KIF6: variants seen among roughly 807,000 people sequenced by gnomAD.
The protein encoded by KIF6 is kinesin-like protein KIF6.
Under a neutral mutation model 112.7 loss-of-function variants are expected in KIF6, and 106 were observed. That is an observed-to-expected ratio of 0.94 (90% CI 0.80 to 1.11). KIF6 has a LOEUF of 1.11. Among genes scored for constraint, KIF6 ranks in the 50% least tolerant of loss-of-function variants. The pLI, the probability that KIF6 is intolerant of heterozygous loss-of-function variation, is 0.00. For synonymous variants in KIF6, 339 were observed against 339.9 expected (o/e 1.00, Z 0.03); for missense variants, 929 against 964.0 (o/e 0.96, Z 0.48).
chr6:39,421,552 C>T (rs2150366620), intron 14 of KIF6, among the ~76,000 whole-genome samples: 1 of 152,240 alleles, frequency 6.6e-6, no homozygotes, highest in Admixed American at 6.5e-5. Context: ...AAGCAAAGGC[C>T]AGAGTGCCAC....
chr6:39,342,557 T>TG lies in KIF6; in HGVS notation c.2428+1151dup, dbSNP rs1329579593. The stretch of plus-strand genomic sequence containing the variant: ...GCCTGATACCTATCATCAGAGTATT[T>TG]GGGGCATAGATGGGGACTTGGAGAT... On this transcript the variant is annotated intron_variant, in intron 22 of 22. Coordinates refer to ENST00000287152, the MANE Select transcript of KIF6 (RefSeq NM_145027.6). The surrounding 1 kb of genome is among the most constrained non-coding windows in gnomAD (Gnocchi z 4.7). 1.3e-5 allele frequency among the ~76,000 whole-genome samples: 2 copies of TG among 151,226 alleles called. No individual in the cohort carries two copies. Among genetic ancestry groups the TG allele is most frequent in the Non-Finnish European group, 2.9e-5 (2 of 67,994 alleles).
intron 5 of KIF6, among the ~76,000 whole-genome samples, chr6:39,616,112 T>C (rs996497683): frequency 1.3e-5 from 2 of 152,228 alleles, no homozygotes; most frequent in Non-Finnish European, 2.9e-5. Context: ...GAAAACCTTA[T>C]ATGGGTCACT....
At chr6:39,650,491 G>C (rs571979918) in intron 3 of KIF6, among the ~76,000 whole-genome samples, 2 of 151,588 alleles carry the variant, frequency 1.3e-5, no homozygotes, top group African/African-American at 4.8e-5. Context: ...ATTATAAAAA[G>C]TATATATTTA....
chr6:39,649,382 C>T (rs1476471613), intron 3 of KIF6, among the ~76,000 whole-genome samples: 3 of 152,114 alleles, frequency 2.0e-5, no homozygotes, highest in Non-Finnish European at 4.4e-5. Context: ...GAAATAGTTA[C>T]CCCACACAAC....
chr6:39,494,571 A>G (rs1775663735), intron 13 of KIF6, among the ~76,000 whole-genome samples: 1 of 152,232 alleles, frequency 6.6e-6, no homozygotes, highest in African/African-American at 2.4e-5. Flanking sequence ...TAACAAATCA[A>G]TGCCTCTAGA....
Position 39,583,488 on chromosome 6 carries a change from A to G in KIF6, c.1077+1410T>C, listed in dbSNP as rs1333036018. The G allele has an allele frequency of 1.9e-5, 9 of 471,408 alleles. 1 individual carries two copies. Among genetic ancestry groups the G allele is most frequent in the South Asian group, 1.2e-4 (8 of 64,564 alleles). The allele number at this position is 471,408 out of a possible 1,614,324, so 29.2% of individuals were successfully genotyped here. A position where few individuals can be genotyped will look rare whatever the true frequency, so the allele number is the denominator to read the frequency against. The stretch of plus-strand genomic sequence containing the variant: ...GAGGAGCTTGGTGCTTTCTGAGGCA[A>G]GAAGAACATAACAGACAGCCCCATT... On this transcript the variant is annotated intron_variant, in intron 9 of 22. Transcript: ENST00000287152.
chr6:39,464,638 C>T (rs1773682243), intron 13 of KIF6, among the ~76,000 whole-genome samples: 1 of 152,186 alleles, frequency 6.6e-6, no homozygotes, highest in South Asian at 2.1e-4. Flanking sequence ...CAGCTCATCT[C>T]CACAGCCTGG....
intron 13 of KIF6, among the ~76,000 whole-genome samples, chr6:39,441,931 G>A (rs1210519194): frequency 2.0e-5 from 3 of 152,134 alleles, no homozygotes; most frequent in Admixed American, 6.5e-5. Flanking sequence ...GGACCAGGCT[G>A]AAGCATGGTA....
intron 10 of KIF6, among the ~76,000 whole-genome samples, chr6:39,576,814 T>A (rs578223359): frequency 9.8e-5 from 15 of 152,364 alleles, no homozygotes; most frequent in Non-Finnish European, 2.9e-5. Context: ...CAAAACTGTC[T>A]CCTGGCAGTC....
chr6:39,350,920 C>G (rs1470346734), intron 19 of KIF6, among the ~76,000 whole-genome samples: 1 of 152,206 alleles, frequency 6.6e-6, no homozygotes, highest in Non-Finnish European at 1.5e-5. Context: ...GGTGTTTTAA[C>G]AAACACTGTT....
At chr6:39,387,249 G>C (rs1009439968) in intron 15 of KIF6, among the ~76,000 whole-genome samples, 1 of 152,178 alleles carries the variant, frequency 6.6e-6, no homozygotes, top group Non-Finnish European at 1.5e-5. Context: ...TGCCTGGCCT[G>C]TTTTCTGGAT....
At chr6:39,694,922 T>C (rs1240310716) in intron 3 of KIF6, among the ~76,000 whole-genome samples, 1 of 152,020 alleles carries the variant, frequency 6.6e-6, no homozygotes, top group African/African-American at 2.4e-5. Context: ...CAAATTATAC[T>C]ACAAGGCTAC....
intron 9 of KIF6, among the ~76,000 whole-genome samples, chr6:39,583,822 G>GT (rs1781445992): frequency 6.6e-6 from 1 of 151,186 alleles, no homozygotes; most frequent in Non-Finnish European, 1.5e-5. Flanking sequence ...AATTGAGATA[G>GT]TTTAACATTT....
intron 3 of KIF6, among the ~76,000 whole-genome samples, chr6:39,659,457 A>T (rs1451843316): frequency 6.6e-6 from 1 of 152,180 alleles, no homozygotes; most frequent in Non-Finnish European, 1.5e-5. Context: ...TTCTCACCTT[A>T]TTAATGAATG....
At chr6:39,555,708 T>A (rs1197105026) in intron 10 of KIF6, among the ~76,000 whole-genome samples, 1 of 152,012 alleles carries the variant, frequency 6.6e-6, no homozygotes, top group Admixed American at 6.6e-5. Context: ...ATCCCAGCAC[T>A]TTGGGAGGCT....
rs1771740931 is a variant in KIF6 at position 39,438,970 on chromosome 6, A to G, written c.1646-7809T>C. Among the ~76,000 whole-genome samples, 3 of 152,280 alleles carry G rather than the reference A, an allele frequency of 2.0e-5. No homozygotes were observed. The South Asian group carries it at 6.2e-4, about 32-fold the overall frequency. ...AATTGCCTACAGTATTCAGTACAGT[A>G]ACATGCTGTACAGGTTTGTAGCTGA... On this transcript the variant is annotated intron_variant, in intron 13 of 22. Transcript: ENST00000287152.
chr6:39,698,794 A>G (rs1417259554), intron 3 of KIF6, among the ~76,000 whole-genome samples: 2 of 152,246 alleles, frequency 1.3e-5, no homozygotes, highest in East Asian at 3.8e-4. Context: ...TTATGGCTCT[A>G]AATATGCTAC....
At chr6:39,539,327 A>C (rs1196498584) in intron 13 of KIF6, among the ~76,000 whole-genome samples, 1 of 151,820 alleles carries the variant, frequency 6.6e-6, no homozygotes, top group Non-Finnish European at 1.5e-5. Context: ...ATTTATTGTC[A>C]TTTAAGTCTG....
chr6:39,518,237 T>C (rs1218941438), intron 13 of KIF6, among the ~76,000 whole-genome samples: 3 of 152,136 alleles, frequency 2.0e-5, no homozygotes, highest in Non-Finnish European at 4.4e-5. Flanking sequence ...AAAGAGCTAG[T>C]ATGTGCACAT....
Sources: gnomAD v4.1 joint callset for allele counts (sites outside exome capture counted in the v4.1 genomes callset) on GRCh38, gnomAD v4.1.1 for gene constraint, Gnocchi (gnomAD v3.1) non-coding constraint, MANE v1.5 for transcripts, NCBI Gene and HGNC (gene_info 2026-07-23, HGNC 2026-07-21) for gene names.